Variants in TMEM138 observed in about 807,000 individuals in gnomAD.
TMEM138 encodes transmembrane protein 138.
TMEM138 carries 9 observed loss-of-function variants against 18.1 expected under a neutral mutation model. That is an observed-to-expected ratio of 0.50 (90% CI 0.30 to 0.87). The LOEUF is 0.87. Among genes scored for constraint, TMEM138 ranks in the 40% least tolerant of loss-of-function variants. The probability of loss-of-function intolerance (pLI) is 0.06; values close to 1 mark genes in which losing one functional copy is unlikely to be tolerated. For missense variants in TMEM138, 189 were observed against 190.6 expected (o/e 0.99, Z 0.05); for synonymous variants, 79 against 74.8 (o/e 1.06, Z -0.29).
Position 61,368,835 on chromosome 11 carries a change from G to A in TMEM138, c.*126G>A. 1 of 705,418 alleles carries A rather than the reference G, an allele frequency of 1.4e-6. No individual in the cohort carries two copies. The highest frequency in any genetic ancestry group is 2.5e-6 in the Non-Finnish European group (1 of 400,602). The allele number at this position is 705,418 out of a possible 1,614,324, so 43.7% of individuals were successfully genotyped here. On this transcript the variant is annotated 3_prime_UTR_variant, in exon 5 of 5. Transcript: ENST00000278826. ...TCCAAGGAAGGTTCAGACTAGCTGT[G>A]TTCAGCATTCAAGAAGGAAGATCCT... is the stretch of plus-strand genomic sequence containing the variant.
chr11:61,368,384 C>T (rs1565079842), intron 4 of TMEM138: 3 of 524,882 alleles, frequency 5.7e-6, no homozygotes, highest in South Asian at 2.0e-5. Flanking sequence ...CGCCACCACG[C>T]CCAGCTAATT....
At chr11:61,365,895 CA>C in intron 2 of TMEM138, 149 bp from the exon 3 acceptor site, 5 of 1,020,502 alleles carry the variant, frequency 4.9e-6, no homozygotes, top group Non-Finnish European at 6.8e-6. Flanking sequence ...ATTCAGGTCC[CA>C]AAACCCATGT....
In TMEM138 at chr11:61,367,913, TCTC is replaced by T; in HGVS notation, c.301-7_301-5del. On this transcript the variant is annotated splice_region_variant and splice_polypyrimidine_tract_variant and intron_variant, in intron 3 of 4. Transcript: ENST00000278826. ...GCCATTAACTTTTGTGTATCTCACA[TCTC>T]CTTCAGAACTTACGCTGGAAAAACT... is the stretch of plus-strand genomic sequence containing the variant. 1 of 1,599,886 alleles carries T rather than the reference TCTC, an allele frequency of 6.3e-7. No individual in the cohort carries two copies. Among genetic ancestry groups the T allele is most frequent in the Admixed American group, 1.7e-5 (1 of 59,956 alleles).
chr11:61,363,398 C>T (rs1380433083), intron 1 of TMEM138: 2 of 152,112 alleles, frequency 1.3e-5, no homozygotes, highest in Admixed American at 6.5e-5. Context: ...TGTAGGATTA[C>T]GTAAGGTTAG....
rs1044501146 is a variant in TMEM138 at position 61,368,935 on chromosome 11, C to T, written c.*226C>T. On this transcript the variant is annotated 3_prime_UTR_variant, in exon 5 of 5. Transcript: ENST00000278826. ...TTCCTTGCCTTCTACCTCTGTTCCACCCCCTTTCCTTCCTTTCCTCTCTGT... is the reference window on the plus strand; with the variant it reads ...TTCCTTGCCTTCTACCTCTGTTCCATCCCCTTTCCTTCCTTTCCTCTCTGT... The T allele has an allele frequency of 1.8e-6, 1 of 542,712 alleles. No individual in the cohort carries two copies. 33.6% of individuals were successfully genotyped at this position (542,712 alleles called of 1,614,324 possible). A position where few individuals can be genotyped will look rare whatever the true frequency, so the allele number is the denominator to read the frequency against.
Position 61,368,801 on chromosome 11 carries a change from G to T in TMEM138, c.*92G>T. 1.1e-6 allele frequency: 1 copy of T among 941,440 alleles called. No individual in the cohort carries two copies. Among genetic ancestry groups the T allele is most frequent in the South Asian group, 1.3e-5 (1 of 74,540 alleles). 58.3% of individuals were successfully genotyped at this position (941,440 alleles called of 1,614,324 possible). A position where few individuals can be genotyped will look rare whatever the true frequency, so the allele number is the denominator to read the frequency against. On this transcript the variant is annotated 3_prime_UTR_variant, in exon 5 of 5. Coordinates refer to ENST00000278826, the MANE Select transcript of TMEM138 (RefSeq NM_016464.5). ...AGTTGGCCCTATGCATGGGCAAACA[G>T]CTGGACTTTCCAAGGAAGGTTCAGA... is the stretch of plus-strand genomic sequence containing the variant.
downstream of TMEM138, among the ~76,000 whole-genome samples, chr11:61,371,436 G>T (rs569343036): frequency 6.6e-6 from 1 of 152,164 alleles, no homozygotes; most frequent in African/African-American, 2.4e-5. Context: ...ATCCTTAGAT[G>T]ACTGCCCTCA....
At chr11:61,365,935 T>G in intron 2 of TMEM138, 110 bp from the exon 3 acceptor site, 1 of 1,333,768 alleles carries the variant, frequency 7.5e-7, no homozygotes, top group Non-Finnish European at 1.0e-6. Flanking sequence ...AGATGTCAGA[T>G]GCCTATCTCA....
downstream of TMEM138, among the ~76,000 whole-genome samples, chr11:61,370,382 A>AGG (rs1406635447): frequency 6.6e-5 from 10 of 152,362 alleles, 1 homozygote; most frequent in African/African-American, 2.2e-4. Context: ...GGCCTGGTTA[A>AGG]ACATTGTGAG....
At chr11:61,368,211 TTTTGTTTG>T (rs113018914) in intron 4 of TMEM138, 311 of 670,920 alleles carry the variant, frequency 4.6e-4, no homozygotes, top group African/African-American at 3.5e-3. Flanking sequence ...GTTCTGTTCT[TTTTGTTTG>T]TTTGTTTGTT....
At chr11:61,363,230 T>C (rs537323969) in intron 1 of TMEM138, 1 of 151,670 alleles carries the variant, frequency 6.6e-6, no homozygotes, top group Admixed American at 6.6e-5. Context: ...AGCGAGACAC[T>C]CTCTCTCTCT....
downstream of TMEM138, among the ~76,000 whole-genome samples, chr11:61,376,479 A>G (rs557050206): frequency 2.0e-5 from 3 of 152,236 alleles, no homozygotes; most frequent in Admixed American, 1.3e-4. Context: ...CCGAATTCTA[A>G]TTTTTCTTGA....
chr11:61,364,287 C>G lies in TMEM138; in HGVS notation c.-104C>G. 3.5e-6 allele frequency: 5 copies of G among 1,426,944 alleles called. No homozygotes were observed. Among genetic ancestry groups the G allele is most frequent in the Non-Finnish European group, 3.8e-6 (4 of 1,050,526 alleles). 88.4% of individuals were successfully genotyped at this position (1,426,944 alleles called of 1,614,324 possible). ...TAGAGCAAGGGAAACAGCTCTCATTCAAAGGAACTAGAAGCCTCTCCCTCA... is the reference window on the plus strand; with the variant it reads ...TAGAGCAAGGGAAACAGCTCTCATTGAAAGGAACTAGAAGCCTCTCCCTCA... On this transcript the variant is annotated 5_prime_UTR_variant, in exon 2 of 5. Transcript: ENST00000278826.
At chr11:61,366,883 C>T (rs1273221034) in intron 3 of TMEM138, 1 of 152,208 alleles carries the variant, frequency 6.6e-6, no homozygotes, top group African/African-American at 2.4e-5. Flanking sequence ...GTGAGAGTTT[C>T]ATAAGGTACT....
At chr11:61,368,040 T>A in intron 4 of TMEM138, 42 bp downstream of exon 4, 2 of 1,376,660 alleles carry the variant, frequency 1.5e-6, no homozygotes, top group Non-Finnish European at 2.1e-6. Context: ...AGGTCCCACA[T>A]GTGTCTCTTT....
chr11:61,365,354 G>C (rs955070888), intron 2 of TMEM138, among the ~76,000 whole-genome samples: 5 of 151,730 alleles, frequency 3.3e-5, no homozygotes, highest in Non-Finnish European at 7.4e-5. Flanking sequence ...TCCGCCCCCT[G>C]GGTTCAAGCA....
chr11:61,364,606 A>G (rs1858071214), intron 2 of TMEM138, 88 bp downstream of exon 2: 2 of 1,565,012 alleles, frequency 1.3e-6, no homozygotes, highest in African/African-American at 1.3e-5. Flanking sequence ...AGTTATTAGT[A>G]GGCTGGGTAC....
chr11:61,368,998 G>A lies in TMEM138; in HGVS notation c.*289G>A. On this transcript the variant is annotated 3_prime_UTR_variant, in exon 5 of 5. Transcript: ENST00000278826. ...CCCTGACCGGCCTTTCTTGCCGAGGGTTCTGTGGCTCTTACCCTTGTGAAG... is the reference window on the plus strand; with the variant it reads ...CCCTGACCGGCCTTTCTTGCCGAGGATTCTGTGGCTCTTACCCTTGTGAAG... The A allele has an allele frequency of 2.7e-6, 1 of 364,430 alleles. No homozygotes were observed. Among genetic ancestry groups the A allele is most frequent in the Non-Finnish European group, 5.2e-6 (1 of 192,756 alleles). 22.6% of individuals were successfully genotyped at this position (364,430 alleles called of 1,614,324 possible). A position where few individuals can be genotyped will look rare whatever the true frequency, so the allele number is the denominator to read the frequency against.
downstream of TMEM138, among the ~76,000 whole-genome samples, chr11:61,369,742 G>A (rs114825751): frequency 0.022 from 3,325 of 152,288 alleles, 127 homozygotes; most frequent in African/African-American, 0.077. Context: ...CAGTTGGCTA[G>A]CCTTCATTGA....
Sources: gnomAD v4.1 joint callset for allele counts (sites outside exome capture counted in the v4.1 genomes callset) on GRCh38, gnomAD v4.1.1 for gene constraint, MANE v1.5 for transcripts, NCBI Gene and HGNC (gene_info 2026-07-23, HGNC 2026-07-21) for gene names.